The following JMJD1C variants were observed in gnomAD, a reference collection of about 807,000 sequenced individuals.
JMJD1C encodes the protein jumonji domain containing 1C.
In JMJD1C, 31 loss-of-function variants were observed where a neutral mutation model predicts 245.3. The observed-to-expected ratio is 0.13, with a 90% CI of 0.09 to 0.17. JMJD1C has a LOEUF of 0.17. Ranked by LOEUF, JMJD1C falls within the 10% of genes least tolerant of loss-of-function variation. The pLI is 1.00. For missense variants in JMJD1C, 2,691 were observed against 3,000.2 expected (o/e 0.90, Z 2.41); for synonymous variants, 1,057 against 1,017.4 (o/e 1.04, Z -0.74).
intron 1 of JMJD1C, among the ~76,000 whole-genome samples, chr10:63,449,298 A>G (rs1190312500): frequency 6.6e-6 from 1 of 152,118 alleles, no homozygotes; most frequent in East Asian, 1.9e-4. Context: ...TGTAAAATAA[A>G]TATTATATTT....
intron 1 of JMJD1C, among the ~76,000 whole-genome samples, chr10:63,434,932 C>T (rs1489207523): frequency 6.6e-6 from 1 of 152,102 alleles, no homozygotes; most frequent in Non-Finnish European, 1.5e-5. Flanking sequence ...AAAAAAATTG[C>T]CCTAGAATAA....
intron 2 of JMJD1C, among the ~76,000 whole-genome samples, chr10:63,349,604 A>C (rs1238502420): frequency 1.3e-5 from 2 of 152,252 alleles, no homozygotes; most frequent in Non-Finnish European, 2.9e-5. Context: ...TTAGACTTAC[A>C]AAGAGGAGTC....
intron 1 of JMJD1C, among the ~76,000 whole-genome samples, chr10:63,385,416 C>CTTTTTTTT (rs35450282): frequency 1.9e-5 from 1 of 53,760 alleles, no homozygotes; most frequent in Non-Finnish European, 3.1e-5. Context: ...CTGCCCCCGC[C>CTTTTTTTT]TTTTTTTTTT....
intron 1 of JMJD1C, among the ~76,000 whole-genome samples, chr10:63,496,953 G>C (rs561508363): frequency 1.3e-5 from 2 of 152,234 alleles, no homozygotes; most frequent in South Asian, 4.1e-4. Flanking sequence ...TGAAAAGAGA[G>C]GTAAGACAGA....
At chr10:63,511,658 T>C (rs72837065) in intron 1 of JMJD1C, among the ~76,000 whole-genome samples, 3,252 of 151,782 alleles carry the variant, frequency 0.021, 55 homozygotes, top group Non-Finnish European at 0.033. Context: ...GAAGATGCAG[T>C]GAGTGCTGAG....
rs183686771 is a variant in JMJD1C at position 63,515,051 on chromosome 10, C to T, written n.113+6687G>A. On this transcript the variant is annotated intron_variant and non_coding_transcript_variant, in intron 1 of 3. Coordinates refer to the JMJD1C transcript ENST00000633035. ...ATAGGCCTAGGATTAGGTCTCAGTCCTCTGGTGAGCCCGTGCCTCTAGACT... is the reference window on the plus strand; with the variant it reads ...ATAGGCCTAGGATTAGGTCTCAGTCTTCTGGTGAGCCCGTGCCTCTAGACT... Among the ~76,000 whole-genome samples the T allele has an allele frequency of 2.5e-3, 385 of 152,130 alleles. 3 individuals carry two copies. In the South Asian group the frequency reaches 0.029, roughly 11 times the overall value.
intron 1 of JMJD1C, 49 bp downstream of exon 1, chr10:63,465,446 A>G (rs1221079305): frequency 3.3e-6 from 5 of 1,518,824 alleles, no homozygotes; most frequent in East Asian, 2.3e-5. Flanking sequence ...CGTCTGCGAG[A>G]GCCGGGTGCG....
At chr10:63,251,871 G>A (rs1458465170) in intron 3 of JMJD1C, among the ~76,000 whole-genome samples, 1 of 152,152 alleles carries the variant, frequency 6.6e-6, no homozygotes, top group African/African-American at 2.4e-5. Context: ...AATTAGCTGG[G>A]CATGGTGGAG....
chr10:63,511,285 T>G (rs1954864046), intron 1 of JMJD1C, among the ~76,000 whole-genome samples: 1 of 152,136 alleles, frequency 6.6e-6, no homozygotes, highest in Admixed American at 6.5e-5. Flanking sequence ...TGGTTTTAAC[T>G]GAGCACATTA....
intron 3 of JMJD1C, chr10:63,222,965 T>C: frequency 6.8e-7 from 1 of 1,467,214 alleles, no homozygotes; most frequent in South Asian, 1.1e-5. Flanking sequence ...GGAGATAATG[T>C]CAGCAGTGAG....
chr10:63,419,747 C>T (rs1459947400), intron 1 of JMJD1C, among the ~76,000 whole-genome samples: 3 of 149,132 alleles, frequency 2.0e-5, no homozygotes, highest in Non-Finnish European at 3.0e-5. Context: ...CTTAGAAAAT[C>T]TCAAATCACA....
chr10:63,244,933 T>TC (rs1381724681), intron 3 of JMJD1C, among the ~76,000 whole-genome samples: 1 of 151,896 alleles, frequency 6.6e-6, no homozygotes, highest in Non-Finnish European at 1.5e-5. Flanking sequence ...GGTCAGGAGT[T>TC]CGAGACCAGC....
intron 1 of JMJD1C, among the ~76,000 whole-genome samples, chr10:63,450,641 C>T (rs757526654): frequency 1.3e-5 from 2 of 152,006 alleles, no homozygotes; most frequent in Non-Finnish European, 2.9e-5. Context: ...TCATAAAACA[C>T]TCTACCAACT....
intron 5 of JMJD1C, among the ~76,000 whole-genome samples, chr10:63,216,115 A>C (rs1008027271): frequency 5.3e-5 from 8 of 152,360 alleles, no homozygotes; most frequent in Admixed American, 5.2e-4. Flanking sequence ...AATGTGGTTA[A>C]AACTATTTTA....
rs192479089 is a variant in JMJD1C at position 63,409,639 on chromosome 10, G to A, written c.169-29157C>T. Among the ~76,000 whole-genome samples the A allele has an allele frequency of 1.2e-4, 19 of 152,324 alleles. No homozygotes were observed. The East Asian group carries it at 3.1e-3, about 25-fold the overall frequency. The stretch of plus-strand genomic sequence containing the variant: ...CTCTGTTCTGCATCTGAGAAGGTAA[G>A]ATTGTAAATGACATTATCAGTGTGG... On this transcript the variant is annotated intron_variant, in intron 1 of 25. Transcript: ENST00000399262.
intron 1 of JMJD1C, among the ~76,000 whole-genome samples, chr10:63,416,026 G>C (rs1949780538): frequency 6.6e-6 from 1 of 152,118 alleles, no homozygotes; most frequent in African/African-American, 2.4e-5. Flanking sequence ...CAGAGAAGAG[G>C]CTTTAAAGTG....
At chr10:63,403,169 A>G (rs1438529816) in intron 1 of JMJD1C, among the ~76,000 whole-genome samples, 1 of 152,218 alleles carries the variant, frequency 6.6e-6, no homozygotes, top group Non-Finnish European at 1.5e-5. Flanking sequence ...GTCACCAGGA[A>G]AGCCAAGGGA....
At chr10:63,465,978 G>A (rs1953242041), upstream of JMJD1C, 2 of 352,600 alleles carry the variant, frequency 5.7e-6, no homozygotes, top group Non-Finnish European at 5.2e-6. Context: ...GGCCAGTACT[G>A]CTCCGTCTCC....
At chr10:63,396,683 A>G in intron 1 of JMJD1C, among the ~76,000 whole-genome samples, 1 of 152,176 alleles carries the variant, frequency 6.6e-6, no homozygotes. Flanking sequence ...GCTCAGAAAC[A>G]TTCGTTTCCA....
Sources: allele counts gnomAD v4.1 joint callset (sites outside exome capture counted in the v4.1 genomes callset), GRCh38; gene constraint gnomAD v4.1.1; transcripts MANE v1.5; gene names NCBI Gene and HGNC (gene_info 2026-07-23, HGNC 2026-07-21).